The following KIRREL3 variants were observed in gnomAD, a reference collection of about 807,000 sequenced individuals.
KIRREL3 encodes the protein kirre like nephrin family adhesion molecule 3, also known as kin of IRRE-like protein 3.
Under a neutral mutation model 89.7 loss-of-function variants are expected in KIRREL3, and 36 were observed. The ratio of observed to expected loss-of-function variants is 0.40; its 90% CI spans 0.31 to 0.53. KIRREL3 has a LOEUF of 0.53. Ranked by LOEUF, KIRREL3 falls within the 20% of genes least tolerant of loss-of-function variation. The pLI is 0.49. For synonymous variants in KIRREL3, 445 were observed against 441.4 expected (o/e 1.01, Z -0.10); for missense variants, 864 against 1,056.6 (o/e 0.82, Z 2.53).
At chr11:126,503,671 G>A (rs958318460) in intron 4 of KIRREL3, among the ~76,000 whole-genome samples, 1 of 152,086 alleles carries the variant, frequency 6.6e-6, no homozygotes, top group African/African-American at 2.4e-5. Context: ...TGATGTGGGA[G>A]GTAATTAGGG....
chr11:126,617,656 A>G (rs1051963061), intron 1 of KIRREL3, among the ~76,000 whole-genome samples: 2 of 152,010 alleles, frequency 1.3e-5, no homozygotes, highest in African/African-American at 4.8e-5. Context: ...TAGGGATTTG[A>G]CTCTGTTTTA....
intron 1 of KIRREL3, among the ~76,000 whole-genome samples, chr11:126,649,977 A>G (rs545233349): frequency 6.6e-6 from 1 of 152,154 alleles, no homozygotes; most frequent in Non-Finnish European, 1.5e-5. Context: ...AGGTTCCCAA[A>G]CCCCAATTCT....
Position 126,788,320 on chromosome 11 carries a change from G to T in KIRREL3, c.55+212135C>A, listed in dbSNP as rs1311674181. On this transcript the variant is annotated intron_variant, in intron 1 of 16. Coordinates refer to ENST00000525144, the MANE Select transcript of KIRREL3 (RefSeq NM_032531.4). The surrounding 1 kb of genome is among the most constrained non-coding windows in gnomAD (Gnocchi z 4.1). ...TTCCACTTCCACTTGCTGAGATATG[G>T]TTTTTCCCACTGTGCTACTCAGACA... Among the ~76,000 whole-genome samples, 1 of 152,176 alleles carries T rather than the reference G, an allele frequency of 6.6e-6. No individual in the cohort carries two copies. The highest frequency in any genetic ancestry group is 1.5e-5 in the Non-Finnish European group (1 of 68,028).
At chr11:126,461,385 C>T (rs1449097252) in intron 6 of KIRREL3, among the ~76,000 whole-genome samples, 1 of 152,196 alleles carries the variant, frequency 6.6e-6, no homozygotes, top group Non-Finnish European at 1.5e-5. Flanking sequence ...CAGGGCCAGC[C>T]CTGCTTGCAC....
In KIRREL3 at chr11:126,987,585, A is replaced by C. The variant is rs1350587555; in HGVS notation, c.55+12870T>G. Reference sequence around the variant, plus strand: ...TCCCAATCTGATGAAGAGAACACCCAAAACAAAGCTCATGCCCAGAGAAAG... The same window carrying C: ...TCCCAATCTGATGAAGAGAACACCCCAAACAAAGCTCATGCCCAGAGAAAG... On this transcript the variant is annotated intron_variant, in intron 1 of 16. Transcript: ENST00000525144. The surrounding 1 kb of genome is among the most constrained non-coding windows in gnomAD (Gnocchi z 4.6). Among the ~76,000 whole-genome samples the C allele has an allele frequency of 1.3e-5, 2 of 152,242 alleles. No homozygotes were observed. The highest frequency in any genetic ancestry group is 2.9e-5 in the Non-Finnish European group (2 of 68,044).
At chr11:126,902,629 C>A (rs777059208) in intron 1 of KIRREL3, among the ~76,000 whole-genome samples, 12 of 152,140 alleles carry the variant, frequency 7.9e-5, no homozygotes, top group Non-Finnish European at 1.6e-4. Context: ...GAGAAGTGTG[C>A]GTCAAAGTCC....
At chr11:126,646,241 G>T (rs539534102) in intron 1 of KIRREL3, among the ~76,000 whole-genome samples, 1 of 152,036 alleles carries the variant, frequency 6.6e-6, no homozygotes, top group African/African-American at 2.4e-5. Context: ...TGTGAATAAT[G>T]ATTTTCATTT....
chr11:126,892,071 T>C lies in KIRREL3; in HGVS notation c.55+108384A>G, dbSNP rs1267181298. Among the ~76,000 whole-genome samples the C allele has an allele frequency of 6.6e-6, 1 of 152,168 alleles. No individual in the cohort carries two copies. The highest frequency in any genetic ancestry group is 1.5e-5 in the Non-Finnish European group (1 of 68,014). On this transcript the variant is annotated intron_variant, in intron 1 of 16. Coordinates refer to ENST00000525144, the MANE Select transcript of KIRREL3 (RefSeq NM_032531.4). This position sits in a 1 kb window ranked among gnomAD's most constrained non-coding sequence, Gnocchi z 5.4. ...TGCCTGAATTCTGATCCTGGCTCTA[T>C]CAGTGTCTCTGTGCACCAGAGAGAG...
intron 1 of KIRREL3, among the ~76,000 whole-genome samples, chr11:126,852,024 G>A (rs1033169642): frequency 4.1e-5 from 6 of 148,100 alleles, no homozygotes; most frequent in Non-Finnish European, 7.4e-5. Flanking sequence ...ATGAGCACAT[G>A]AATTCAGAAG....
chr11:126,939,337 T>TC (rs1948339701), intron 1 of KIRREL3, among the ~76,000 whole-genome samples: 1 of 152,124 alleles, frequency 6.6e-6, no homozygotes, highest in East Asian at 1.9e-4. Flanking sequence ...TGCTCTGTCC[T>TC]CCCCCATCAA....
intron 1 of KIRREL3, among the ~76,000 whole-genome samples, chr11:126,801,576 G>A (rs1351708717): frequency 6.6e-6 from 1 of 152,172 alleles, no homozygotes; most frequent in African/African-American, 2.4e-5. Flanking sequence ...GTTTGCACGA[G>A]AGGCCCTGGG....
chr11:126,858,807 G>A (rs533358725), intron 1 of KIRREL3, among the ~76,000 whole-genome samples: 21 of 152,212 alleles, frequency 1.4e-4, no homozygotes, highest in Non-Finnish European at 3.1e-4. Flanking sequence ...AGCCATCTCA[G>A]TCATAGTGCT....
intron 2 of KIRREL3, among the ~76,000 whole-genome samples, chr11:126,548,178 C>T (rs563508292): frequency 1.6e-4 from 25 of 152,310 alleles, no homozygotes; most frequent in Admixed American, 9.8e-4. Context: ...GTTCTCCCAT[C>T]GCCCTGCCTT....
chr11:126,779,552 T>C (rs1227135709), intron 1 of KIRREL3, among the ~76,000 whole-genome samples: 2 of 152,196 alleles, frequency 1.3e-5, no homozygotes, highest in Admixed American at 6.5e-5. Flanking sequence ...CATTGCACTG[T>C]AATAATTGTT....
At chr11:126,804,245 T>G (rs913065428) in intron 1 of KIRREL3, among the ~76,000 whole-genome samples, 6 of 152,012 alleles carry the variant, frequency 3.9e-5, no homozygotes, top group Admixed American at 1.3e-4. Flanking sequence ...AGTTTAGGAG[T>G]GTGTGATTTC....
rs959727008 is a variant in KIRREL3 at position 126,541,066 on chromosome 11, A to T, written c.134-14379T>A. ...GGCTATGGGCAGGCTCGGCTACAGC[A>T]GACAGAGTGCCCATCAACCCCTCTC... On this transcript the variant is annotated intron_variant, in intron 2 of 16. Coordinates refer to ENST00000525144, the MANE Select transcript of KIRREL3 (RefSeq NM_032531.4). The surrounding 1 kb of genome is among the most constrained non-coding windows in gnomAD (Gnocchi z 4.8). 6.6e-6 allele frequency among the ~76,000 whole-genome samples: 1 copy of T among 152,216 alleles called. No homozygotes were observed. The highest frequency in any genetic ancestry group is 1.5e-5 in the Non-Finnish European group (1 of 68,042).
At chr11:126,634,417 T>C (rs1944179420) in intron 1 of KIRREL3, among the ~76,000 whole-genome samples, 1 of 152,166 alleles carries the variant, frequency 6.6e-6, no homozygotes, top group Non-Finnish European at 1.5e-5. Flanking sequence ...CACAATACCA[T>C]AGTTTTCAGC....
intron 1 of KIRREL3, among the ~76,000 whole-genome samples, chr11:126,671,219 G>A (rs1412079137): frequency 6.7e-6 from 1 of 150,266 alleles, no homozygotes; most frequent in African/African-American, 2.4e-5. Context: ...CCTTAGATTG[G>A]TGATGAGTTT....
intron 1 of KIRREL3, among the ~76,000 whole-genome samples, chr11:126,865,434 T>C (rs1944887320): frequency 6.6e-6 from 1 of 152,212 alleles, no homozygotes; most frequent in Non-Finnish European, 1.5e-5. Flanking sequence ...CTGGGATTAG[T>C]AGATACTTTG....
Sources: allele counts gnomAD v4.1 joint callset (sites outside exome capture counted in the v4.1 genomes callset), GRCh38; gene constraint gnomAD v4.1.1; non-coding constraint Gnocchi (gnomAD v3.1); transcripts MANE v1.5; gene names NCBI Gene and HGNC (gene_info 2026-07-23, HGNC 2026-07-21).